The following SEMA3A variants were observed in gnomAD, a reference collection of about 807,000 sequenced individuals.
The protein encoded by SEMA3A is semaphorin-3A.
In SEMA3A, 29 loss-of-function variants were observed where a neutral mutation model predicts 97.9. The observed-to-expected ratio is 0.30, with a 90% CI of 0.22 to 0.40. The LOEUF (loss-of-function observed/expected upper bound fraction) is 0.40, where lower values mean the gene tolerates loss of function less well. SEMA3A is among the 10% of genes least tolerant of loss of function. SEMA3A has a pLI of 1.00. For missense variants in SEMA3A, 763 were observed against 951.3 expected, an observed-to-expected ratio of 0.80 and a Z score of 2.60; for synonymous variants, 321 against 323.7, an observed-to-expected ratio of 0.99 and a Z score of 0.09.
chr7:84,067,532 G>T (rs1188774756), intron 4 of SEMA3A, among the ~76,000 whole-genome samples: 2 of 151,898 alleles, frequency 1.3e-5, no homozygotes, highest in Non-Finnish European at 2.9e-5. Flanking sequence ...ATCTGACAAA[G>T]GGCTAATATC....
At chr7:84,361,429 C>T (rs1040132462) in intron 2 of SEMA3A, among the ~76,000 whole-genome samples, 4 of 151,794 alleles carry the variant, frequency 2.6e-5, no homozygotes, top group Non-Finnish European at 5.9e-5. Context: ...AAATGGAAAA[C>T]GGAAAGCTAT....
At chr7:84,278,495 C>G (rs562423074) in intron 3 of SEMA3A, among the ~76,000 whole-genome samples, 1 of 152,036 alleles carries the variant, frequency 6.6e-6, no homozygotes, top group African/African-American at 2.4e-5. Flanking sequence ...TGTATTAGAC[C>G]TTTCTTATTG....
At chr7:84,144,531 G>T (rs1244361818) in intron 1 of SEMA3A, among the ~76,000 whole-genome samples, 6 of 152,024 alleles carry the variant, frequency 3.9e-5, no homozygotes, top group Admixed American at 3.9e-4. Context: ...ATAATTAATA[G>T]AACTTATTAA....
intron 3 of SEMA3A, among the ~76,000 whole-genome samples, chr7:84,209,815 T>A (rs988225725): frequency 3.3e-5 from 5 of 152,190 alleles, no homozygotes; most frequent in African/African-American, 1.2e-4. Context: ...ATTTGTAATA[T>A]ACTTCCTACA....
chr7:84,156,093 A>T (rs1796838122), intron 1 of SEMA3A, among the ~76,000 whole-genome samples: 1 of 152,090 alleles, frequency 6.6e-6, no homozygotes, highest in Non-Finnish European at 1.5e-5. Context: ...TATAATTAGG[A>T]TTTTGTAAAT....
chr7:83,971,967 A>T (rs1001777540), intron 15 of SEMA3A, among the ~76,000 whole-genome samples: 4 of 151,876 alleles, frequency 2.6e-5, no homozygotes, highest in Admixed American at 1.3e-4. Context: ...TGAAGATGTG[A>T]ACTTAAAATT....
intron 1 of SEMA3A, among the ~76,000 whole-genome samples, chr7:84,190,452 G>A (rs1187926516): frequency 6.6e-6 from 1 of 151,588 alleles, no homozygotes; most frequent in Non-Finnish European, 1.5e-5. Flanking sequence ...CAAATATACA[G>A]TGAGTATTTG....
intron 1 of SEMA3A, among the ~76,000 whole-genome samples, chr7:84,416,449 A>C (rs899575420): frequency 6.6e-6 from 1 of 152,092 alleles, no homozygotes; most frequent in African/African-American, 2.4e-5. Flanking sequence ...AAATGGACTA[A>C]TACAAGTATA....
At chr7:84,477,398 T>C (rs1255748393) in intron 1 of SEMA3A, among the ~76,000 whole-genome samples, 1 of 126,866 alleles carries the variant, frequency 7.9e-6, no homozygotes, top group African/African-American at 3.2e-5. Context: ...GAGATCACAA[T>C]GCTGCACTCC....
intron 1 of SEMA3A, among the ~76,000 whole-genome samples, chr7:84,480,647 T>C (rs949747415): frequency 6.6e-6 from 1 of 152,160 alleles, no homozygotes; most frequent in African/African-American, 2.4e-5. Context: ...CTGAAATTCA[T>C]CTCTTTTTGA....
chr7:84,110,668 A>G lies in SEMA3A; in HGVS notation c.334-79T>C, dbSNP rs1244382239. The G allele has an allele frequency of 3.4e-6, 5 of 1,465,516 alleles. No individual in the cohort carries two copies. The Admixed American group carries it at 1.1e-4, about 33-fold the overall frequency. The allele number at this position is 1,465,516 out of a possible 1,614,324, so 90.8% of individuals were successfully genotyped here. A position where few individuals can be genotyped will look rare whatever the true frequency, so the allele number is the denominator to read the frequency against. Reference sequence around the variant, plus strand: ...TCCTCTAGGGTGCTAGGCATGCTGGAACAGATTTGTCTTTTGTTTTCTTTC... The same window carrying G: ...TCCTCTAGGGTGCTAGGCATGCTGGGACAGATTTGTCTTTTGTTTTCTTTC... On this transcript the variant is annotated intron_variant, in intron 3 of 16. Coordinates refer to ENST00000265362, the MANE Select transcript of SEMA3A (RefSeq NM_006080.3).
intron 4 of SEMA3A, among the ~76,000 whole-genome samples, chr7:84,080,467 A>G: frequency 6.6e-6 from 1 of 152,210 alleles, no homozygotes; most frequent in Middle Eastern, 3.4e-3. Flanking sequence ...TTTCATTTGG[A>G]GAAAACATAC....
intron 2 of SEMA3A, among the ~76,000 whole-genome samples, chr7:84,317,327 A>G (rs1402738920): frequency 6.6e-6 from 1 of 152,192 alleles, no homozygotes; most frequent in Non-Finnish European, 1.5e-5. Context: ...TACTGTGTGT[A>G]GAGAATAAAA....
At chr7:84,142,983 T>A (rs1796340074) in intron 1 of SEMA3A, among the ~76,000 whole-genome samples, 2 of 152,194 alleles carry the variant, frequency 1.3e-5, no homozygotes, top group African/African-American at 4.8e-5. Flanking sequence ...CCCTTCTTCA[T>A]CATTCACTAA....
chr7:84,291,803 G>A (rs1056999934), intron 3 of SEMA3A, among the ~76,000 whole-genome samples: 1 of 152,064 alleles, frequency 6.6e-6, no homozygotes, highest in Non-Finnish European at 1.5e-5. Context: ...AAGCAAAACC[G>A]TTCCTCCATT....
At chr7:84,079,519 A>C (rs1192931064) in intron 4 of SEMA3A, among the ~76,000 whole-genome samples, 1 of 152,056 alleles carries the variant, frequency 6.6e-6, no homozygotes, top group African/African-American at 2.4e-5. Context: ...AAAAACAAAC[A>C]ACCCCATCAA....
intron 4 of SEMA3A, among the ~76,000 whole-genome samples, chr7:84,094,087 A>T (rs1407287226): frequency 6.6e-6 from 1 of 152,092 alleles, no homozygotes; most frequent in Non-Finnish European, 1.5e-5. Flanking sequence ...TTGATGTGGA[A>T]GTCTGACTGG....
At chr7:83,987,841 G>C (rs999471447) in intron 12 of SEMA3A, among the ~76,000 whole-genome samples, 1 of 151,984 alleles carries the variant, frequency 6.6e-6, no homozygotes, top group African/African-American at 2.4e-5. Flanking sequence ...ATTTAGAATA[G>C]TCTACACTCA....
chr7:84,247,427 CCT>C (rs1359913455), intron 3 of SEMA3A, among the ~76,000 whole-genome samples: 1 of 151,876 alleles, frequency 6.6e-6, no homozygotes, highest in African/African-American at 2.4e-5. Flanking sequence ...AAGTAGGCTC[CCT>C]CTCTGTCTGT....
Sources: gnomAD v4.1 joint callset for allele counts (sites outside exome capture counted in the v4.1 genomes callset) on GRCh38, gnomAD v4.1.1 for gene constraint, MANE v1.5 for transcripts, NCBI Gene and HGNC (gene_info 2026-07-23, HGNC 2026-07-21) for gene names.